TCAP: variants seen among roughly 807,000 people sequenced by gnomAD.
TCAP encodes the protein titin-cap.
A neutral mutation model predicts 16.6 loss-of-function variants in TCAP; 14 were observed. The ratio of observed to expected loss-of-function variants is 0.84; its 90% CI spans 0.56 to 1.32. TCAP has a LOEUF of 1.32. Among genes scored for constraint, TCAP ranks in the 40% most tolerant of loss-of-function variants. The pLI, the probability that TCAP is intolerant of heterozygous loss-of-function variation, is 0.00. For missense variants in TCAP, 212 were observed against 223.5 expected (o/e 0.95, Z 0.33); for synonymous variants, 97 against 93.2 (o/e 1.04, Z -0.23).
At position 39,666,429 on chromosome 17, in the gene TCAP, G is replaced by A. The variant is rs571366329; in HGVS notation, c.*320G>A. Reference sequence around the variant, plus strand: ...GCCCTGATCCAGGAAAATGTGAGGGGAATCTGGAACGCTCTAGGCAGAAGA... The same window carrying A: ...GCCCTGATCCAGGAAAATGTGAGGGAAATCTGGAACGCTCTAGGCAGAAGA... On this transcript the variant is annotated 3_prime_UTR_variant, in exon 2 of 2. Transcript: ENST00000309889. The A allele has an allele frequency of 1.1e-4, 51 of 478,292 alleles. No homozygotes were observed. The highest frequency in any genetic ancestry group is 1.8e-4 in the Non-Finnish European group (46 of 259,552). The allele number at this position is 478,292 out of a possible 1,614,324, so 29.6% of individuals were successfully genotyped here. A position where few individuals can be genotyped will look rare whatever the true frequency, so the allele number is the denominator to read the frequency against.
In TCAP at chr17:39,666,314, A is replaced by C. The variant is rs1180324833; in HGVS notation, c.*205A>C. 1.5e-6 allele frequency: 1 copy of C among 685,004 alleles called. No homozygotes were observed. Among genetic ancestry groups the C allele is most frequent in the Non-Finnish European group, 2.5e-6 (1 of 398,940 alleles). The allele number at this position is 685,004 out of a possible 1,614,324, so 42.4% of individuals were successfully genotyped here. ...CAGAGACAGTGGGCACTAAGGGTGG[A>C]GAGTTGGGGGCCAGCACAGCTGAGG... On this transcript the variant is annotated 3_prime_UTR_variant, in exon 2 of 2. Transcript: ENST00000309889.
Position 39,666,223 on chromosome 17 carries a change from G to A in TCAP, c.*114G>A. On this transcript the variant is annotated 3_prime_UTR_variant, in exon 2 of 2. Coordinates refer to ENST00000309889, the MANE Select transcript of TCAP (RefSeq NM_003673.4). The stretch of plus-strand genomic sequence containing the variant: ...GCTTTGTAGTTTGCCCAGAGTTGGG[G>A]GCTAGGGGAGGGGGGAGCCAGAGGC... 2 of 1,420,350 alleles carry A rather than the reference G, an allele frequency of 1.4e-6. No homozygotes were observed. Among genetic ancestry groups the A allele is most frequent in the Non-Finnish European group, 1.9e-6 (2 of 1,035,700 alleles). The allele number at this position is 1,420,350 out of a possible 1,614,324, so 88.0% of individuals were successfully genotyped here. A position where few individuals can be genotyped will look rare whatever the true frequency, so the allele number is the denominator to read the frequency against.
chr17:39,665,685 CAGG>C lies in TCAP; in HGVS notation c.111-28_111-26del. 3 of 1,597,456 alleles carry C rather than the reference CAGG, an allele frequency of 1.9e-6. No individual in the cohort carries two copies. In the East Asian group the frequency reaches 6.7e-5, roughly 36 times the overall value. The stretch of plus-strand genomic sequence containing the variant: ...CCTGTGCCCAGAGAGCAACAGCTCC[CAGG>C]AGCTCACTGCCCCTCCCCTCTCCCC... On this transcript the variant is annotated intron_variant, in intron 1 of 1. Transcript: ENST00000309889.
chr17:39,665,737 C>T lies in TCAP; in HGVS notation c.132C>T (p.Asp44=), dbSNP rs397516861. The change falls in exon 2 of 2, where the codon GAC becomes GAT. Residue 44 remains aspartate (D), a synonymous_variant. Transcript: ENST00000309889. Reference sequence around the variant, plus strand: ...CCAGCTGCTCCCTGCATGAGGAGGACACCCAGAGACATGAGACCTACCACC... The same window carrying T: ...CCAGCTGCTCCCTGCATGAGGAGGATACCCAGAGACATGAGACCTACCACC... ...PEEGCSLHEE[D]TQRHETYHQQ... is the part of the protein sequence containing the mutation. 8.3e-5 allele frequency: 134 copies of T among 1,610,780 alleles called. No individual in the cohort carries two copies. In the Middle Eastern group the frequency reaches 6.0e-3, roughly 73 times the overall value.
chr17:39,666,164 C>T lies in TCAP; in HGVS notation c.*55C>T, dbSNP rs2145075479. On this transcript the variant is annotated 3_prime_UTR_variant, in exon 2 of 2. Transcript: ENST00000309889. ...CCGCCCTGGGCTGGGCCCTTCCTGG[C>T]TAGGACTGTGGAGGGGAGCTGCTGG... The T allele has an allele frequency of 1.9e-6, 3 of 1,596,260 alleles. No individual in the cohort carries two copies. The highest frequency in any genetic ancestry group is 1.7e-5 in the Admixed American group (1 of 59,978).
chr17:39,666,053 G>T lies in TCAP; in HGVS notation c.448G>T (p.Gly150Cys), dbSNP rs762850913. ...CCCTGTGGTGCCTGTCAGCAAGCCCGGTGCACTTCGTCGCTCCCTGTCCCG... is the reference window on the plus strand; with the variant it reads ...CCCTGTGGTGCCTGTCAGCAAGCCCTGTGCACTTCGTCGCTCCCTGTCCCG... ...LPPVVPVSKP[G>C]ALRRSLSRSM... Residue 150 changes from glycine to cysteine, a missense_variant, in exon 2 of 2, where the codon GGT (glycine) becomes TGT (cysteine). Gly to Cys is a radical substitution (Grantham distance 159). Coordinates refer to ENST00000309889, the MANE Select transcript of TCAP (RefSeq NM_003673.4). 1.2e-6 allele frequency: 2 copies of T among 1,607,592 alleles called. No individual in the cohort carries two copies. Among genetic ancestry groups the T allele is most frequent in the African/African-American group, 2.7e-5 (2 of 75,044 alleles).
In TCAP at chr17:39,666,362, A is replaced by G. The variant is rs1201428968; in HGVS notation, c.*253A>G. ...AGGACCCTCAGCCCCAGGAGAAGGGACAAAAGGTACTGGTGAGGGCAAGAG... is the reference window on the plus strand; with the variant it reads ...AGGACCCTCAGCCCCAGGAGAAGGGGCAAAAGGTACTGGTGAGGGCAAGAG... On this transcript the variant is annotated 3_prime_UTR_variant, in exon 2 of 2. Coordinates refer to ENST00000309889, the MANE Select transcript of TCAP (RefSeq NM_003673.4). 6 of 587,330 alleles carry G rather than the reference A, an allele frequency of 1.0e-5. No individual in the cohort carries two copies. Among genetic ancestry groups the G allele is most frequent in the Non-Finnish European group, 1.8e-5 (6 of 329,016 alleles). The allele number at this position is 587,330 out of a possible 1,614,324, so 36.4% of individuals were successfully genotyped here.
At position 39,666,430 on chromosome 17, in the gene TCAP, A is replaced by C; in HGVS notation, c.*321A>C. Reference sequence around the variant, plus strand: ...CCCTGATCCAGGAAAATGTGAGGGGAATCTGGAACGCTCTAGGCAGAAGAA... The same window carrying C: ...CCCTGATCCAGGAAAATGTGAGGGGCATCTGGAACGCTCTAGGCAGAAGAA... On this transcript the variant is annotated 3_prime_UTR_variant, in exon 2 of 2. Coordinates refer to ENST00000309889, the MANE Select transcript of TCAP (RefSeq NM_003673.4). 2.1e-6 allele frequency: 1 copy of C among 474,856 alleles called. No individual in the cohort carries two copies. The highest frequency in any genetic ancestry group is 3.9e-6 in the Non-Finnish European group (1 of 257,470). 29.4% of individuals were successfully genotyped at this position (474,856 alleles called of 1,614,324 possible). A position where few individuals can be genotyped will look rare whatever the true frequency, so the allele number is the denominator to read the frequency against.
chr17:39,665,777 C>G lies in TCAP; in HGVS notation c.172C>G (p.Gln58Glu). The change falls in exon 2 of 2, where the codon CAG (glutamine) becomes GAG (glutamate). Residue 58 changes from glutamine (Q) to glutamate (E), a missense_variant. By Grantham distance (29) the Gln-to-Glu change is conservative (BLOSUM62 2). Transcript: ENST00000309889. ...GACCTACCACCAGCAGGGGCAGTGC[C>G]AGGTGCTGGTGCAGCGCTCGCCCTG... ...HETYHQQGQCQVLVQRSPWLM... is the reference protein window; with the variant it reads ...HETYHQQGQCEVLVQRSPWLM... The G allele has an allele frequency of 6.2e-7, 1 of 1,609,612 alleles. No individual in the cohort carries two copies.
In TCAP at chr17:39,666,409, G is replaced by C; in HGVS notation, c.*300G>C. On this transcript the variant is annotated 3_prime_UTR_variant, in exon 2 of 2. Transcript: ENST00000309889. ...AGAGGTGCCTGGGAGGAGTGGCCCT[G>C]ATCCAGGAAAATGTGAGGGGAATCT... The C allele has an allele frequency of 1.9e-6, 1 of 514,430 alleles. No individual in the cohort carries two copies. Among genetic ancestry groups the C allele is most frequent in the Non-Finnish European group, 3.5e-6 (1 of 282,126 alleles). The allele number at this position is 514,430 out of a possible 1,614,324, so 31.9% of individuals were successfully genotyped here. A position where few individuals can be genotyped will look rare whatever the true frequency, so the allele number is the denominator to read the frequency against.
In TCAP at chr17:39,665,940, A is replaced by G. The variant is rs1567865242; in HGVS notation, c.335A>G (p.Gln112Arg). 6.2e-7 allele frequency: 1 copy of G among 1,613,040 alleles called. No homozygotes were observed. The highest frequency in any genetic ancestry group is 1.7e-5 in the Admixed American group (1 of 60,014). ...TKEEREDTPIQLQELLALETA... is the reference protein window; with the variant it reads ...TKEEREDTPIRLQELLALETA... ...GAGGAGCGTGAGGACACCCCCATCC[A>G]GCTTCAGGAGCTGCTGGCGCTGGAG... Residue 112 changes from glutamine (Q) to arginine (R), a missense_variant, in exon 2 of 2, where the codon CAG (glutamine) becomes CGG (arginine). Physicochemically the swap from Gln to Arg is conservative, Grantham distance 43. Coordinates refer to ENST00000309889, the MANE Select transcript of TCAP (RefSeq NM_003673.4).
chr17:39,665,675 C>T, intron 1 of TCAP, 41 bp from the exon 2 acceptor site: 1 of 1,587,902 alleles, frequency 6.3e-7, no homozygotes, highest in Admixed American at 1.8e-5. Flanking sequence ...GCCCAGAGAG[C>T]AACAGCTCCC....
rs779699520 is a variant in TCAP at position 39,665,462 on chromosome 17, G to A, written c.103G>A (p.Glu35Lys). 7.4e-6 allele frequency: 12 copies of A among 1,612,908 alleles called. No homozygotes were observed. The highest frequency in any genetic ancestry group is 5.5e-5 in the South Asian group (5 of 91,068). The change falls in exon 1 of 2, where the codon GAG (glutamate) becomes AAG (lysine). Residue 35 changes from glutamate (E) to lysine (K), a missense_variant. Coordinates refer to ENST00000309889, the MANE Select transcript of TCAP (RefSeq NM_003673.4). ...GGATCTGACACTGTCCACACGGCCC[G>A]AGGAGGGGTGAGTGTGGGTCTGCTA... The part of the protein sequence containing the change: ...WKDLTLSTRP[E>K]EGCSLHEEDT...
At chr17:39,665,568 T>G in intron 1 of TCAP, 99 bp downstream of exon 1, 1 of 1,437,292 alleles carries the variant, frequency 7.0e-7, no homozygotes, top group East Asian at 2.4e-5. Context: ...TTTCTGGGGG[T>G]GGGGGCAGGA....
In TCAP at chr17:39,665,476, G is replaced by T; in HGVS notation, c.110+7G>T. ...CCACACGGCCCGAGGAGGGGTGAGTGTGGGTCTGCTAGAGCCCTGCCTCTG... is the reference window on the plus strand; with the variant it reads ...CCACACGGCCCGAGGAGGGGTGAGTTTGGGTCTGCTAGAGCCCTGCCTCTG... On this transcript the variant is annotated splice_region_variant and intron_variant, in intron 1 of 1. Coordinates refer to ENST00000309889, the MANE Select transcript of TCAP (RefSeq NM_003673.4). The T allele has an allele frequency of 6.2e-7, 1 of 1,611,770 alleles. No homozygotes were observed. Among genetic ancestry groups the T allele is most frequent in the Non-Finnish European group, 8.5e-7 (1 of 1,178,724 alleles).
chr17:39,665,539 G>T (rs2145072691), intron 1 of TCAP, 70 bp downstream of exon 1: 1 of 1,528,002 alleles, frequency 6.5e-7, no homozygotes. Flanking sequence ...TGAGGCCAGA[G>T]CATGAAGCCC....
rs1259726775 is a variant in TCAP, at chr17:39,665,479, G to A, written c.110+10G>A. ...CACGGCCCGAGGAGGGGTGAGTGTG[G>A]GTCTGCTAGAGCCCTGCCTCTGCTC... On this transcript the variant is annotated intron_variant, in intron 1 of 1. Transcript: ENST00000309889. 6.2e-7 allele frequency: 1 copy of A among 1,610,656 alleles called. No individual in the cohort carries two copies. The highest frequency in any genetic ancestry group is 8.5e-7 in the Non-Finnish European group (1 of 1,177,926).
In TCAP at chr17:39,666,463, G is replaced by C. The variant is rs1054550414; in HGVS notation, c.*354G>C. The C allele has an allele frequency of 1.9e-5, 7 of 364,956 alleles. No individual in the cohort carries two copies. The highest frequency in any genetic ancestry group is 1.4e-4 in the African/African-American group (7 of 49,350). 22.6% of individuals were successfully genotyped at this position (364,956 alleles called of 1,614,324 possible). ...ACGCTCTAGGCAGAAGAAGCTGGGA[G>C]GGAGGGGGAGGTGAAAAGGGCAGAG... On this transcript the variant is annotated 3_prime_UTR_variant, in exon 2 of 2. Transcript: ENST00000309889.
At position 39,665,939 on chromosome 17, in the gene TCAP, C is replaced by T. The variant is rs794729175; in HGVS notation, c.334C>T (p.Gln112Ter). Residue 112 changes from glutamine to a stop codon, truncating the protein, a stop_gained, in exon 2 of 2, where the codon CAG becomes TAG. Coordinates refer to ENST00000309889, the MANE Select transcript of TCAP (RefSeq NM_003673.4). LOFTEE classifies it high-confidence loss of function. Reference protein sequence around the residue: ...TKEEREDTPIQLQELLALETA... With the variant: ...TKEEREDTPI ...GGAGGAGCGTGAGGACACCCCCATC[C>T]AGCTTCAGGAGCTGCTGGCGCTGGA... 1.9e-6 allele frequency: 3 copies of T among 1,612,960 alleles called. No individual in the cohort carries two copies. Among genetic ancestry groups the T allele is most frequent in the Non-Finnish European group, 2.5e-6 (3 of 1,180,004 alleles).
Sources: allele counts gnomAD v4.1 joint callset, GRCh38; gene constraint gnomAD v4.1.1; transcripts MANE v1.5; gene names NCBI Gene and HGNC (gene_info 2026-07-23, HGNC 2026-07-21).